ENTREP2: variants seen among roughly 807,000 people sequenced by gnomAD.
ENTREP2 encodes endosomal transmembrane epsin interactor 2.
chr15:29,493,368 C>T, the ENTREP2 span, among the ~76,000 whole-genome samples: 3 of 151,232 alleles, frequency 2.0e-5, no homozygotes, highest in Non-Finnish European at 4.4e-5. Flanking sequence ...CTCCTGACCT[C>T]GTGATCCGCC....
chr15:29,303,575 G>T, the ENTREP2 span, among the ~76,000 whole-genome samples: 3 of 152,004 alleles, frequency 2.0e-5, no homozygotes, highest in African/African-American at 7.2e-5. Flanking sequence ...TGTTGTGCAG[G>T]TTATTTTGTC....
chr15:29,262,664 T>C, the ENTREP2 span, among the ~76,000 whole-genome samples: 1 of 152,230 alleles, frequency 6.6e-6, no homozygotes, highest in South Asian at 2.1e-4. Flanking sequence ...ATACCCTTTA[T>C]AATAAACCAG....
the ENTREP2 span, among the ~76,000 whole-genome samples, chr15:29,433,574 C>G: frequency 6.6e-6 from 1 of 152,084 alleles, no homozygotes. Flanking sequence ...GAAATAATTC[C>G]CAGAATGTCC....
chr15:29,489,522 A>C, the ENTREP2 span, among the ~76,000 whole-genome samples: 200 of 152,162 alleles, frequency 1.3e-3, no homozygotes, highest in African/African-American at 4.7e-3. Flanking sequence ...ATTTTACAAG[A>C]ATGTAAGAGC....
chr15:29,382,412 C>T, the ENTREP2 span, among the ~76,000 whole-genome samples: 1 of 152,088 alleles, frequency 6.6e-6, no homozygotes, highest in Admixed American at 6.5e-5. Flanking sequence ...ACTTGGCTCC[C>T]CTGATGCACA....
the ENTREP2 span, among the ~76,000 whole-genome samples, chr15:29,259,140 G>A: frequency 6.6e-6 from 1 of 152,214 alleles, no homozygotes; most frequent in Admixed American, 6.5e-5. Context: ...TGGATATAAT[G>A]GAATAGAGAC....
At chr15:29,437,406 T>C in the ENTREP2 span, among the ~76,000 whole-genome samples, 1 of 152,246 alleles carries the variant, frequency 6.6e-6, no homozygotes, top group African/African-American at 2.4e-5. Context: ...TCAGTAACCA[T>C]GCTCAAGATG....
the ENTREP2 span, among the ~76,000 whole-genome samples, chr15:29,622,366 C>T: frequency 3.2e-3 from 485 of 151,994 alleles, 5 homozygotes; most frequent in African/African-American, 0.011. Flanking sequence ...TGACCACGCC[C>T]GGCTAATTTT....
chr15:29,598,757 C>T, the ENTREP2 span, among the ~76,000 whole-genome samples: 5 of 151,930 alleles, frequency 3.3e-5, no homozygotes, highest in Non-Finnish European at 7.4e-5. Context: ...AGTGCAGTGG[C>T]GTGATCTTGG....
chr15:29,479,684 T>TAC, the ENTREP2 span, among the ~76,000 whole-genome samples: 1,234 of 148,220 alleles, frequency 8.3e-3, 9 homozygotes, highest in South Asian at 0.019. Context: ...CACACATACA[T>TAC]ACACACACAC....
chr15:29,461,869 C>T, the ENTREP2 span, among the ~76,000 whole-genome samples: 1 of 152,094 alleles, frequency 6.6e-6, no homozygotes, highest in South Asian at 2.1e-4. Context: ...GAACGTCTTC[C>T]AAGACTGAAA....
At chr15:29,326,272 G>C in the ENTREP2 span, among the ~76,000 whole-genome samples, 1 of 152,110 alleles carries the variant, frequency 6.6e-6, no homozygotes, top group Non-Finnish European at 1.5e-5. Flanking sequence ...AGATTGAAAA[G>C]TCAGAAATAA....
chr15:29,297,158 C>T, the ENTREP2 span, among the ~76,000 whole-genome samples: 24,657 of 152,074 alleles, frequency 0.16, 3,353 homozygotes, highest in African/African-American at 0.38. Context: ...AAAATCCAGA[C>T]ACTCAGCCGT....
chr15:29,315,015 G>A, the ENTREP2 span, among the ~76,000 whole-genome samples: 1 of 152,186 alleles, frequency 6.6e-6, no homozygotes, highest in African/African-American at 2.4e-5. Context: ...TCGTGCCACT[G>A]CACTCCAGCC....
At chr15:29,478,867 ACT>A in the ENTREP2 span, among the ~76,000 whole-genome samples, 1 of 136,368 alleles carries the variant, frequency 7.3e-6, no homozygotes, top group South Asian at 2.4e-4. Flanking sequence ...ATCTTTTGAG[ACT>A]CTGTCTCAAA....
the ENTREP2 span, chr15:29,233,690 T>C: frequency 1.7e-6 from 2 of 1,160,182 alleles, no homozygotes; most frequent in Non-Finnish European, 2.6e-6. Context: ...GCATCTCCTG[T>C]TGCACGCACT....
chr15:29,126,198 A>G, the ENTREP2 span: 10 of 1,252,798 alleles, frequency 8.0e-6, no homozygotes, highest in Middle Eastern at 5.7e-4. Context: ...CTCAGGGGTC[A>G]CTGAGACCTG....
chr15:29,377,862 T>TAATAATAATAATAATAATAAA, the ENTREP2 span, among the ~76,000 whole-genome samples: 6 of 100,978 alleles, frequency 5.9e-5, no homozygotes, highest in Non-Finnish European at 1.2e-4. Flanking sequence ...ATAATAATAA[T>TAATAATAATAATAATAATAAA]AAAAAAATGA....
the ENTREP2 span, among the ~76,000 whole-genome samples, chr15:29,533,027 AGT>A: frequency 6.6e-6 from 1 of 152,174 alleles, no homozygotes; most frequent in African/African-American, 2.4e-5. Context: ...CCATGTGCTC[AGT>A]GTGTGTTCCA....
Sources: gnomAD v4.1 joint callset for allele counts (sites outside exome capture counted in the v4.1 genomes callset) on GRCh38, gnomAD v4.1.1 for gene constraint, MANE v1.5 for transcripts, NCBI Gene and HGNC (gene_info 2026-07-23, HGNC 2026-07-21) for gene names.